The following MAGI2 variants were observed in gnomAD, a reference collection of about 807,000 sequenced individuals.
MAGI2 encodes the protein membrane associated guanylate kinase, WW and PDZ domain containing 2.
Under a neutral mutation model 133.3 loss-of-function variants are expected in MAGI2, and 35 were observed. The ratio of observed to expected loss-of-function variants is 0.26; its 90% CI spans 0.20 to 0.35. The LOEUF is 0.35. MAGI2 is among the 10% of genes least tolerant of loss of function. The probability of loss-of-function intolerance (pLI) is 1.00; values close to 1 mark genes in which losing one functional copy is unlikely to be tolerated. For synonymous variants in MAGI2, 729 were observed against 710.6 expected (o/e 1.03, Z -0.41); for missense variants, 1,636 against 1,863.4 (o/e 0.88, Z 2.25).
chr7:78,713,701 A>G (rs1023294472), intron 2 of MAGI2, among the ~76,000 whole-genome samples: 5 of 151,842 alleles, frequency 3.3e-5, no homozygotes, highest in African/African-American at 1.2e-4. Context: ...TACAAAATCT[A>G]CTCTTACTTG....
intron 2 of MAGI2, among the ~76,000 whole-genome samples, chr7:78,898,471 C>A (rs992034359): frequency 6.6e-6 from 1 of 152,100 alleles, no homozygotes; most frequent in African/African-American, 2.4e-5. Context: ...TACTATGCAG[C>A]CATAAAAAAT....
At chr7:78,342,083 G>T (rs1790438289) in intron 9 of MAGI2, among the ~76,000 whole-genome samples, 1 of 151,316 alleles carries the variant, frequency 6.6e-6, no homozygotes, top group African/African-American at 2.4e-5. Flanking sequence ...CTAATATCCA[G>T]AATCTACAAA....
intron 2 of MAGI2, among the ~76,000 whole-genome samples, chr7:78,736,001 T>C (rs1421372508): frequency 6.6e-6 from 1 of 152,214 alleles, no homozygotes; most frequent in East Asian, 1.9e-4. Context: ...AGTGATGTTC[T>C]GAAAACACAT....
intron 2 of MAGI2, among the ~76,000 whole-genome samples, chr7:78,832,060 T>G (rs1393491825): frequency 6.6e-6 from 1 of 152,092 alleles, no homozygotes; most frequent in Non-Finnish European, 1.5e-5. Flanking sequence ...TTTTTCAGAA[T>G]AAGGGTTTCT....
At chr7:78,521,182 C>A (rs1485787976) in intron 4 of MAGI2, among the ~76,000 whole-genome samples, 5 of 135,870 alleles carry the variant, frequency 3.7e-5, no homozygotes, top group Non-Finnish European at 6.2e-5. Flanking sequence ...AAAAAATATG[C>A]CAAAAATGTT....
chr7:79,175,281 A>C (rs1018958033), intron 1 of MAGI2, among the ~76,000 whole-genome samples: 5 of 151,872 alleles, frequency 3.3e-5, no homozygotes, highest in African/African-American at 1.2e-4. Context: ...GGTAATTTTC[A>C]ATTTTCTTCT....
At chr7:78,371,352 G>T (rs1207334731) in intron 6 of MAGI2, among the ~76,000 whole-genome samples, 1 of 151,754 alleles carries the variant, frequency 6.6e-6, no homozygotes, top group African/African-American at 2.4e-5. Flanking sequence ...TTATTAATAT[G>T]GTTCGATACA....
chr7:79,018,544 T>C (rs536036074), intron 1 of MAGI2, among the ~76,000 whole-genome samples: 1 of 152,236 alleles, frequency 6.6e-6, no homozygotes, highest in African/African-American at 2.4e-5. Flanking sequence ...TCCACACATA[T>C]CAACACTAAC....
intron 1 of MAGI2, among the ~76,000 whole-genome samples, chr7:79,255,293 T>C (rs1833603098): frequency 6.6e-6 from 1 of 152,154 alleles, no homozygotes; most frequent in South Asian, 2.1e-4. Flanking sequence ...TTCAAACCGA[T>C]GCCCAATTGA....
At chr7:78,268,907 G>A (rs1225146435) in intron 9 of MAGI2, among the ~76,000 whole-genome samples, 1 of 152,074 alleles carries the variant, frequency 6.6e-6, no homozygotes, top group Non-Finnish European at 1.5e-5. Flanking sequence ...TCTACATTAG[G>A]TATTTCTCCT....
chr7:78,513,031 G>A (rs991231589), intron 4 of MAGI2, among the ~76,000 whole-genome samples: 1 of 152,036 alleles, frequency 6.6e-6, no homozygotes, highest in African/African-American at 2.4e-5. Flanking sequence ...TGGGGTGAAA[G>A]AAACTGATAC....
chr7:79,406,052 C>G (rs1384162965), intron 1 of MAGI2, among the ~76,000 whole-genome samples: 1 of 151,754 alleles, frequency 6.6e-6, no homozygotes, highest in African/African-American at 2.4e-5. Context: ...ATAGAATACT[C>G]GAATAAATAT....
intron 6 of MAGI2, among the ~76,000 whole-genome samples, chr7:78,451,556 C>A (rs1228386362): frequency 6.6e-6 from 1 of 152,038 alleles, no homozygotes; most frequent in Non-Finnish European, 1.5e-5. Context: ...GGATTTGAAT[C>A]CTGACATTGC....
At chr7:78,251,024 G>A (rs1424903288) in intron 10 of MAGI2, among the ~76,000 whole-genome samples, 2 of 151,994 alleles carry the variant, frequency 1.3e-5, no homozygotes, top group African/African-American at 4.8e-5. Context: ...CATACAAAAA[G>A]AGTTATATAC....
chr7:78,498,977 C>T (rs1794375355), intron 5 of MAGI2, among the ~76,000 whole-genome samples: 1 of 152,008 alleles, frequency 6.6e-6, no homozygotes, highest in Non-Finnish European at 1.5e-5. Context: ...TAATTTTCCA[C>T]CTCCATCCAT....
At chr7:79,066,024 C>T (rs756682445) in intron 1 of MAGI2, among the ~76,000 whole-genome samples, 7 of 152,144 alleles carry the variant, frequency 4.6e-5, no homozygotes, top group Non-Finnish European at 7.4e-5. Flanking sequence ...TAAACATACA[C>T]GTGTATGTGT....
chr7:78,659,656 A>T (rs1229753673), intron 2 of MAGI2, among the ~76,000 whole-genome samples: 1 of 152,104 alleles, frequency 6.6e-6, no homozygotes, highest in Non-Finnish European at 1.5e-5. Flanking sequence ...TGGTAGGGAA[A>T]TATGGTGGCT....
At chr7:79,405,865 A>G (rs1347783344) in intron 1 of MAGI2, among the ~76,000 whole-genome samples, 4 of 150,344 alleles carry the variant, frequency 2.7e-5, no homozygotes, top group African/African-American at 9.8e-5. Flanking sequence ...GAGACACATC[A>G]TATTCCCCTC....
chr7:79,279,568 C>T (rs757691220), intron 1 of MAGI2, among the ~76,000 whole-genome samples: 4 of 152,116 alleles, frequency 2.6e-5, no homozygotes, highest in Non-Finnish European at 5.9e-5. Flanking sequence ...CTTTGAAAGG[C>T]CCAAGTGGGA....
Sources: gnomAD v4.1 joint callset for allele counts (sites outside exome capture counted in the v4.1 genomes callset) on GRCh38, gnomAD v4.1.1 for gene constraint, MANE v1.5 for transcripts, NCBI Gene and HGNC (gene_info 2026-07-23, HGNC 2026-07-21) for gene names.